The following DLEU7 variants were observed in gnomAD, a reference collection of about 807,000 sequenced individuals.
DLEU7 encodes deleted in lymphocytic leukemia 7, also known as leukemia-associated protein 7.
A neutral mutation model predicts 16.0 loss-of-function variants in DLEU7; 17 were observed. The observed-to-expected ratio is 1.06, with a 90% CI of 0.73 to 1.59. The LOEUF is 1.59. DLEU7 is among the 40% of genes most tolerant of loss of function. The pLI is 0.00. For missense variants in DLEU7, 308 were observed against 314.9 expected (o/e 0.98, Z 0.17); for synonymous variants, 113 against 139.8 (o/e 0.81, Z 1.35).
chr13:50,777,105 C>T (rs1247059855), intron 1 of DLEU7, among the ~76,000 whole-genome samples: 1 of 152,188 alleles, frequency 6.6e-6, no homozygotes, highest in African/African-American at 2.4e-5. Context: ...CTACAGCACC[C>T]TACAGACTTA....
chr13:50,772,151 A>G lies in DLEU7; in HGVS notation c.460-58911T>C, dbSNP rs936214878. 5.9e-5 allele frequency among the ~76,000 whole-genome samples: 9 copies of G among 152,082 alleles called. No homozygotes were observed. The South Asian group carries it at 8.3e-4, about 14-fold the overall frequency. ...TCCTCCATCCCTTTATTTTGAGCCT[A>G]TGTGTGTCTCTGCACATGAGATGGG... On this transcript the variant is annotated intron_variant, in intron 1 of 1. Coordinates refer to the DLEU7 transcript ENST00000400393.
exon 2 of DLEU7, chr13:50,713,132 T>A: frequency 1.3e-6 from 2 of 1,511,226 alleles, no homozygotes; most frequent in Non-Finnish European, 9.0e-7. Flanking sequence ...ACATCCCATC[T>A]CATCCCATCT....
chr13:50,715,084 C>A (rs764222236), intron 1 of DLEU7, among the ~76,000 whole-genome samples: 1 of 152,170 alleles, frequency 6.6e-6, no homozygotes, highest in Non-Finnish European at 1.5e-5. Context: ...TGCGGGCTGT[C>A]GGCGGGAACT....
At chr13:50,714,238 A>G (rs569848941) in intron 1 of DLEU7, among the ~76,000 whole-genome samples, 8 of 152,150 alleles carry the variant, frequency 5.3e-5, no homozygotes, top group Admixed American at 2.6e-4. Context: ...TAGGGCTAGA[A>G]GCGTTGTTTC....
rs117325463 is a variant in DLEU7 at position 50,761,133 on chromosome 13, G to A, written c.460-47893C>T. Reference sequence around the variant, plus strand: ...GACTGAATTGTCCACTGGGGATCCCGTCCTTGCTCAGAAAAAATCAACCAG... The same window carrying A: ...GACTGAATTGTCCACTGGGGATCCCATCCTTGCTCAGAAAAAATCAACCAG... On this transcript the variant is annotated intron_variant, in intron 1 of 1. Coordinates refer to the DLEU7 transcript ENST00000400393. 4.5e-4 allele frequency among the ~76,000 whole-genome samples: 69 copies of A among 151,842 alleles called. No homozygotes were observed. In the East Asian group the frequency reaches 0.012, roughly 26 times the overall value.
chr13:50,752,743 TG>T (rs1396081013), intron 1 of DLEU7, among the ~76,000 whole-genome samples: 1 of 152,008 alleles, frequency 6.6e-6, no homozygotes, highest in African/African-American at 2.4e-5. Context: ...ACCTTCGTGG[TG>T]AGTGTTATAG....
Position 50,797,996 on chromosome 13 carries a change from T to C in DLEU7, c.459+45192A>G, listed in dbSNP as rs17074950. Among the ~76,000 whole-genome samples the C allele has an allele frequency of 9.8e-3, 1,489 of 152,316 alleles. 26 individuals are homozygous for C. Among genetic ancestry groups the C allele is most frequent in the African/African-American group, 0.034 (1,428 of 41,566 alleles). The stretch of plus-strand genomic sequence containing the variant: ...CATATTAACTAAGAAGTTCACAGTC[T>C]AACAGATGGGTAGATGAAGAATTAA... On this transcript the variant is annotated intron_variant, in intron 1 of 1. Coordinates refer to the DLEU7 transcript ENST00000400393.
chr13:50,770,742 T>C (rs1449459775), intron 1 of DLEU7, among the ~76,000 whole-genome samples: 1 of 152,186 alleles, frequency 6.6e-6, no homozygotes, highest in Non-Finnish European at 1.5e-5. Context: ...TCTTTTTTTG[T>C]TGTGTCTCTG....
chr13:50,754,246 C>A (rs559729037), intron 1 of DLEU7, among the ~76,000 whole-genome samples: 1 of 152,258 alleles, frequency 6.6e-6, no homozygotes, highest in South Asian at 2.1e-4. Context: ...GTCTTGACGA[C>A]CTGTCTAGTG....
At chr13:50,798,435 A>G (rs775334429) in intron 1 of DLEU7, among the ~76,000 whole-genome samples, 42 of 152,150 alleles carry the variant, frequency 2.8e-4, no homozygotes, top group Non-Finnish European at 5.6e-4. Context: ...GCAATTTGTG[A>G]TGCCATAGAC....
intron 1 of DLEU7, among the ~76,000 whole-genome samples, chr13:50,786,486 T>C (rs1875797981): frequency 6.6e-6 from 1 of 152,192 alleles, no homozygotes. Context: ...TCAGTGCATA[T>C]TTGTTAAATG....
intron 1 of DLEU7, among the ~76,000 whole-genome samples, chr13:50,784,236 AG>A (rs1034130406): frequency 4.4e-4 from 67 of 152,354 alleles, no homozygotes; most frequent in African/African-American, 1.4e-3. Flanking sequence ...GACATATTAA[AG>A]AAGGATTTTT....
chr13:50,821,435 T>A (rs183512730), downstream of DLEU7, among the ~76,000 whole-genome samples: 54 of 152,230 alleles, frequency 3.5e-4, no homozygotes, highest in African/African-American at 1.2e-3. Flanking sequence ...GTCTAGATAA[T>A]CCCTATCTTC....
chr13:50,818,335 T>A (rs1876795717), downstream of DLEU7, among the ~76,000 whole-genome samples: 1 of 152,168 alleles, frequency 6.6e-6, no homozygotes, highest in Admixed American at 6.5e-5. Flanking sequence ...CAATTATTAA[T>A]CATTTATTGA....
intron 1 of DLEU7, among the ~76,000 whole-genome samples, chr13:50,738,898 G>T (rs1301009837): frequency 6.6e-6 from 1 of 151,468 alleles, no homozygotes; most frequent in African/African-American, 2.4e-5. Context: ...TAGGTGATCT[G>T]GTCCCTTTCT....
intron 1 of DLEU7, among the ~76,000 whole-genome samples, chr13:50,784,773 C>T (rs1374523944): frequency 6.6e-6 from 1 of 152,200 alleles, no homozygotes; most frequent in Non-Finnish European, 1.5e-5. Flanking sequence ...ATCTCCTTCC[C>T]TGCATCTGTG....
At chr13:50,798,771 A>G (rs1191964945) in intron 1 of DLEU7, among the ~76,000 whole-genome samples, 1 of 152,120 alleles carries the variant, frequency 6.6e-6, no homozygotes, top group African/African-American at 2.4e-5. Context: ...GAGTGCTGGA[A>G]CCTCGAGGAG....
chr13:50,773,979 G>A (rs890562529), intron 1 of DLEU7, among the ~76,000 whole-genome samples: 2 of 152,140 alleles, frequency 1.3e-5, no homozygotes, highest in African/African-American at 4.8e-5. Context: ...AATGGCGGAC[G>A]CCCCTCCCCC....
At chr13:50,829,548 G>C (rs891759031) in intron 1 of DLEU7, among the ~76,000 whole-genome samples, 4 of 152,178 alleles carry the variant, frequency 2.6e-5, no homozygotes, top group Admixed American at 2.0e-4. Flanking sequence ...AAGAATCAAA[G>C]AAGGTGTTGC....
Sources: allele counts gnomAD v4.1 joint callset (sites outside exome capture counted in the v4.1 genomes callset), GRCh38; gene constraint gnomAD v4.1.1; transcripts MANE v1.5; gene names NCBI Gene and HGNC (gene_info 2026-07-23, HGNC 2026-07-21).